The following ZBTB8OS variants were observed in gnomAD, a reference collection of about 807,000 sequenced individuals.
The protein encoded by ZBTB8OS is tRNA-splicing ligase-activating factor archease.
Under a neutral mutation model 29.3 loss-of-function variants are expected in ZBTB8OS, and 16 were observed. The observed-to-expected ratio is 0.55, with a 90% confidence interval of 0.37 to 0.83. The LOEUF is 0.83. Among genes scored for constraint, ZBTB8OS ranks in the 40% least tolerant of loss-of-function variants. The pLI, the probability that ZBTB8OS is intolerant of heterozygous loss-of-function variation, is 0.00. For synonymous variants in ZBTB8OS, 70 were observed against 64.6 expected, an observed-to-expected ratio of 1.08 and a Z score of -0.40; for missense variants, 160 against 196.9, an observed-to-expected ratio of 0.81 and a Z score of 1.12.
intron 1 of ZBTB8OS, among the ~76,000 whole-genome samples, chr1:32,640,593 C>T (rs1349611706): frequency 6.6e-6 from 1 of 152,142 alleles, no homozygotes; most frequent in African/African-American, 2.4e-5. Flanking sequence ...CAGCTCACTA[C>T]AGCTTAGACC....
intron 1 of ZBTB8OS, among the ~76,000 whole-genome samples, chr1:32,641,641 C>T (rs1043590614): frequency 9.8e-5 from 14 of 142,560 alleles, no homozygotes; most frequent in South Asian, 2.5e-4. Flanking sequence ...AGGCCGGGCA[C>T]GGTGGCTCAC....
intron 1 of ZBTB8OS, among the ~76,000 whole-genome samples, chr1:32,637,837 ATAATTT>A (rs1010091362): frequency 9.2e-5 from 14 of 152,050 alleles, no homozygotes; most frequent in Non-Finnish European, 1.9e-4. Context: ...GGTAAAATAT[ATAATTT>A]TTTTTTGAGA....
At chr1:32,625,084 A>G (rs1445939701) in intron 6 of ZBTB8OS, among the ~76,000 whole-genome samples, 5 of 137,720 alleles carry the variant, frequency 3.6e-5, no homozygotes, top group African/African-American at 1.4e-4. Flanking sequence ...TTAGCCTGGC[A>G]TGGTTGCATG....
intron 5 of ZBTB8OS, among the ~76,000 whole-genome samples, chr1:32,629,189 T>C (rs1006586853): frequency 2.0e-5 from 3 of 151,592 alleles, no homozygotes; most frequent in East Asian, 2.0e-4. Flanking sequence ...GGCAGGAAGA[T>C]AGCTTGAGCT....
chr1:32,621,962 T>TTG lies in ZBTB8OS; in HGVS notation c.418-15_418-14insCA. The TTG allele has an allele frequency of 1.4e-6, 2 of 1,465,372 alleles. No individual in the cohort carries two copies. Among genetic ancestry groups the TTG allele is most frequent in the Non-Finnish European group, 1.8e-6 (2 of 1,102,670 alleles). The allele number at this position is 1,465,372 out of a possible 1,614,324, so 90.8% of individuals were successfully genotyped here. ...GACTTCTGTTCCCTAAAGTTGGGGT[T>TTG]AGAGAAAAAAAAAAAAAAAAGGAAA... On this transcript the variant is annotated splice_polypyrimidine_tract_variant and intron_variant, in intron 6 of 6. Transcript: ENST00000468695.
intron 1 of ZBTB8OS, among the ~76,000 whole-genome samples, chr1:32,635,514 C>T (rs557320390): frequency 7.2e-5 from 11 of 152,156 alleles, no homozygotes; most frequent in South Asian, 6.2e-4. Context: ...TCAGGTGATC[C>T]GCCCACCTAG....
intron 1 of ZBTB8OS, among the ~76,000 whole-genome samples, chr1:32,636,327 C>A (rs1333756265): frequency 6.6e-6 from 1 of 152,196 alleles, no homozygotes; most frequent in East Asian, 1.9e-4. Flanking sequence ...CACTGCAATT[C>A]CCCCATCTTG....
chr1:32,627,156 G>A (rs141175030), intron 6 of ZBTB8OS, among the ~76,000 whole-genome samples: 92 of 152,182 alleles, frequency 6.0e-4, no homozygotes, highest in Admixed American at 1.3e-3. Context: ...CATACAGGTC[G>A]GCAAATACAG....
intron 6 of ZBTB8OS, 119 bp downstream of exon 6, chr1:32,627,389 G>T: frequency 1.2e-6 from 1 of 864,432 alleles, no homozygotes; most frequent in Non-Finnish European, 1.9e-6. Flanking sequence ...GGTCAGAGAA[G>T]CTTGAGAAAA....
chr1:32,637,632 G>C (rs965870688), intron 1 of ZBTB8OS, among the ~76,000 whole-genome samples: 5 of 151,992 alleles, frequency 3.3e-5, no homozygotes, highest in Non-Finnish European at 5.9e-5. Context: ...GCAAAATTAA[G>C]CTATGGTGGT....
At chr1:32,650,407 A>C (rs1298366072) in intron 1 of ZBTB8OS, 26 bp downstream of exon 1, 3 of 1,613,760 alleles carry the variant, frequency 1.9e-6, no homozygotes, top group Non-Finnish European at 2.5e-6. Context: ...CTTACATGTA[A>C]AGAGAGAAGT....
upstream of ZBTB8OS, chr1:32,650,579 G>A: frequency 6.2e-7 from 1 of 1,613,638 alleles, no homozygotes; most frequent in Non-Finnish European, 8.5e-7. Context: ...CCGGACTTCG[G>A]CCCGGAGTTA....
At chr1:32,639,308 A>G (rs1646225334) in intron 1 of ZBTB8OS, among the ~76,000 whole-genome samples, 1 of 149,418 alleles carries the variant, frequency 6.7e-6, no homozygotes, top group African/African-American at 2.4e-5. Context: ...CCCAAAAAAA[A>G]TAAAAAAAAA....
At position 32,633,741 on chromosome 1, in the gene ZBTB8OS, A is replaced by C. The variant is rs776970058; in HGVS notation, c.245-14T>G. 6.4e-7 allele frequency: 1 copy of C among 1,570,388 alleles called. No homozygotes were observed. The highest frequency in any genetic ancestry group is 8.6e-7 in the Non-Finnish European group (1 of 1,159,050). On this transcript the variant is annotated splice_polypyrimidine_tract_variant and intron_variant, in intron 3 of 6. Transcript: ENST00000468695. ...GTAAGTCATCTCCTACACAAGATCA[A>C]ATAGTATATTTAATAATTCTGGTCT...
At chr1:32,647,062 AAAAAAAAAAAAT>A (rs1191117434) in intron 1 of ZBTB8OS, among the ~76,000 whole-genome samples, 1 of 146,374 alleles carries the variant, frequency 6.8e-6, no homozygotes, top group East Asian at 2.0e-4. Context: ...AAAAAAAAAA[AAAAAAAAAAAAT>A]GCCAGGCGTG....
At chr1:32,639,169 G>A (rs1262142047) in intron 1 of ZBTB8OS, among the ~76,000 whole-genome samples, 3 of 151,792 alleles carry the variant, frequency 2.0e-5, no homozygotes, top group Non-Finnish European at 4.4e-5. Flanking sequence ...GTGGTAGCAT[G>A]TGCCTGTAGT....
At chr1:32,646,058 G>A (rs765481238) in intron 1 of ZBTB8OS, among the ~76,000 whole-genome samples, 4 of 152,076 alleles carry the variant, frequency 2.6e-5, no homozygotes, top group Admixed American at 6.6e-5. Context: ...AGTGCCTCAC[G>A]TCTGTACTCC....
At chr1:32,627,609 T>G in intron 5 of ZBTB8OS, 65 bp from the exon 6 acceptor site, 1 of 1,510,616 alleles carries the variant, frequency 6.6e-7, no homozygotes, top group African/African-American at 1.4e-5. Flanking sequence ...AAAATAAGCC[T>G]TGTAAATGTG....
At chr1:32,628,187 G>A (rs1181819355) in intron 5 of ZBTB8OS, among the ~76,000 whole-genome samples, 1 of 151,504 alleles carries the variant, frequency 6.6e-6, no homozygotes, top group East Asian at 1.9e-4. Flanking sequence ...GAAAAACCCT[G>A]TCTCTACTAA....
Sources: gnomAD v4.1 joint callset for allele counts (sites outside exome capture counted in the v4.1 genomes callset) on GRCh38, gnomAD v4.1.1 for gene constraint, MANE v1.5 for transcripts, NCBI Gene and HGNC (gene_info 2026-07-23, HGNC 2026-07-21) for gene names.